ALKBH3: variants seen among roughly 807,000 people sequenced by gnomAD.
ALKBH3 encodes the protein alpha-ketoglutarate-dependent dioxygenase alkB homolog 3.
ALKBH3 carries 51 observed loss-of-function variants against 43.9 expected under a neutral mutation model. The ratio of observed to expected loss-of-function variants is 1.16; its 90% CI spans 0.93 to 1.47. The LOEUF (loss-of-function observed/expected upper bound fraction) is 1.47, where lower values mean the gene tolerates loss of function less well. Among genes scored for constraint, ALKBH3 ranks in the 40% most tolerant of loss-of-function variants. ALKBH3 has a pLI of 0.00. For missense variants in ALKBH3, 361 were observed against 351.9 expected (o/e 1.03, Z -0.21); for synonymous variants, 102 against 115.2 (o/e 0.89, Z 0.73).
chr11:43,889,026 TC>T (rs760867789), intron 5 of ALKBH3, among the ~76,000 whole-genome samples: 11 of 152,190 alleles, frequency 7.2e-5, no homozygotes, highest in Non-Finnish European at 1.5e-4. Flanking sequence ...TATTAGTTAT[TC>T]TTTTTTTTTT....
intron 9 of ALKBH3, 114 bp from the exon 10 acceptor site, chr11:43,919,804 T>C: frequency 9.9e-7 from 1 of 1,006,636 alleles, no homozygotes; most frequent in East Asian, 2.4e-5. Flanking sequence ...ACTACTCATT[T>C]AAGGGGGATG....
chr11:43,903,061 T>C (rs1212797513), intron 8 of ALKBH3, among the ~76,000 whole-genome samples: 1 of 152,260 alleles, frequency 6.6e-6, no homozygotes, highest in Non-Finnish European at 1.5e-5. Flanking sequence ...TTGTGTGATT[T>C]TGCATATATG....
At chr11:43,893,793 T>C (rs577987212) in intron 7 of ALKBH3, among the ~76,000 whole-genome samples, 17 of 152,328 alleles carry the variant, frequency 1.1e-4, no homozygotes, top group South Asian at 4.1e-4. Context: ...TTTGGCTGGC[T>C]CATAACTTTG....
At chr11:43,892,663 A>G (rs10768993) in intron 7 of ALKBH3, among the ~76,000 whole-genome samples, 41,840 of 152,246 alleles carry the variant, frequency 0.27, 7,012 homozygotes, top group East Asian at 0.58. Context: ...AAGATATTCT[A>G]GTATATAAAT....
intron 1 of ALKBH3, among the ~76,000 whole-genome samples, chr11:43,881,693 A>T (rs1486754831): frequency 6.6e-6 from 1 of 152,240 alleles, no homozygotes; most frequent in Admixed American, 6.5e-5. Flanking sequence ...GCTCTACTGA[A>T]TCAGAAGAGG....
chr11:43,899,790 G>C (rs1951847978), intron 7 of ALKBH3, among the ~76,000 whole-genome samples: 1 of 150,506 alleles, frequency 6.6e-6, no homozygotes, highest in Non-Finnish European at 1.5e-5. Context: ...TATATGTTGT[G>C]CACAAAATCA....
At chr11:43,886,742 G>T (rs936365673) in intron 5 of ALKBH3, 89 bp downstream of exon 5, 2 of 1,249,818 alleles carry the variant, frequency 1.6e-6, no homozygotes, top group African/African-American at 1.5e-5. Flanking sequence ...AGAAAATGTA[G>T]TACATATACA....
chr11:43,883,220 A>G, intron 3 of ALKBH3, 32 bp downstream of exon 3: 1 of 1,553,826 alleles, frequency 6.4e-7, no homozygotes, highest in South Asian at 1.2e-5. Flanking sequence ...CAATAGTGAT[A>G]AAAATTTGCT....
rs1322893640 is a variant in ALKBH3, at chr11:43,892,109, A to G, written c.439A>G (p.Thr147Ala). Residue 147 changes from threonine (T) to alanine (A), a missense_variant, in exon 7 of 10, where the codon ACT becomes GCT. Coordinates refer to ENST00000302708, the MANE Select transcript of ALKBH3 (RefSeq NM_139178.4). Reference sequence around the variant, plus strand: ...ACTTCCTTACACTTATTCAAGAATCACTATGGAACCAAATCCTCACGTATG... The same window carrying G: ...ACTTCCTTACACTTATTCAAGAATCGCTATGGAACCAAATCCTCACGTATG... Reference protein sequence around the residue: ...GELPYTYSRITMEPNPHWHPV... With the variant: ...GELPYTYSRIAMEPNPHWHPV... 3 of 1,612,434 alleles carry G rather than the reference A, an allele frequency of 1.9e-6. No homozygotes were observed. The highest frequency in any genetic ancestry group is 2.2e-5 in the East Asian group (1 of 44,876).
chr11:43,885,646 C>T (rs1457865773), intron 4 of ALKBH3, among the ~76,000 whole-genome samples: 1 of 152,216 alleles, frequency 6.6e-6, no homozygotes, highest in Non-Finnish European at 1.5e-5. Context: ...TCTGCAACAG[C>T]TTTATACATT....
rs942372061 is a variant in ALKBH3 at position 43,919,803 on chromosome 11, T to A, written c.769-115T>A. 4.0e-6 allele frequency: 4 copies of A among 998,050 alleles called. No individual in the cohort carries two copies. In the Admixed American group the frequency reaches 7.5e-5, roughly 19 times the overall value. 61.8% of individuals were successfully genotyped at this position (998,050 alleles called of 1,614,324 possible). ...AGACTTCAAAGAGCTTACTACTCATTTAAGGGGGATGAGATGGAAATATTT... is the reference window on the plus strand; with the variant it reads ...AGACTTCAAAGAGCTTACTACTCATATAAGGGGGATGAGATGGAAATATTT... On this transcript the variant is annotated intron_variant, in intron 9 of 9. Coordinates refer to ENST00000302708, the MANE Select transcript of ALKBH3 (RefSeq NM_139178.4).
chr11:43,899,064 T>G, intron 7 of ALKBH3: 1 of 749,444 alleles, frequency 1.3e-6, no homozygotes, highest in Non-Finnish European at 2.5e-6. Context: ...GGATGCCTCT[T>G]CAGTCACCAC....
chr11:43,905,584 A>G (rs1209085109), intron 8 of ALKBH3, among the ~76,000 whole-genome samples: 2 of 152,132 alleles, frequency 1.3e-5, no homozygotes, highest in Admixed American at 1.3e-4. Flanking sequence ...TTGCTTTTAC[A>G]TTCATTCCGA....
chr11:43,894,184 C>T (rs34142483), intron 7 of ALKBH3, among the ~76,000 whole-genome samples: 1 of 152,092 alleles, frequency 6.6e-6, no homozygotes, highest in Non-Finnish European at 1.5e-5. Flanking sequence ...TCACATGAGC[C>T]CAGTGTATAA....
At chr11:43,903,388 A>G (rs1260241852) in intron 8 of ALKBH3, among the ~76,000 whole-genome samples, 1 of 152,258 alleles carries the variant, frequency 6.6e-6, no homozygotes, top group Non-Finnish European at 1.5e-5. Flanking sequence ...CTCCTGTTGC[A>G]TAAATAGTAG....
intron 8 of ALKBH3, among the ~76,000 whole-genome samples, chr11:43,902,978 A>G (rs1460172046): frequency 1.3e-5 from 2 of 152,208 alleles, no homozygotes; most frequent in Non-Finnish European, 2.9e-5. Flanking sequence ...ATACTTCCAT[A>G]AGAATACAGT....
chr11:43,902,056 C>A (rs1259621678), intron 8 of ALKBH3, among the ~76,000 whole-genome samples: 1 of 152,106 alleles, frequency 6.6e-6, no homozygotes, highest in East Asian at 1.9e-4. Flanking sequence ...GTGATCAATG[C>A]TGTGAAGGAA....
At position 43,882,652 on chromosome 11, in the gene ALKBH3, C is replaced by T; in HGVS notation, c.-1C>T. ...TCGGAGCAGAAGCCTTTTTGGTCAA[C>T]ATGGAGGAAAAAAGACGGCGAGCCC... On this transcript the variant is annotated 5_prime_UTR_variant, in exon 2 of 10. Coordinates refer to ENST00000302708, the MANE Select transcript of ALKBH3 (RefSeq NM_139178.4). 6.2e-7 allele frequency: 1 copy of T among 1,612,464 alleles called. No homozygotes were observed.
chr11:43,906,246 C>T (rs976896631), intron 8 of ALKBH3, among the ~76,000 whole-genome samples: 8 of 152,254 alleles, frequency 5.3e-5, no homozygotes, highest in African/African-American at 1.9e-4. Context: ...ATTGGAGGTC[C>T]TAGTGTTTCC....
Sources: allele counts gnomAD v4.1 joint callset (sites outside exome capture counted in the v4.1 genomes callset), GRCh38; gene constraint gnomAD v4.1.1; transcripts MANE v1.5; gene names NCBI Gene and HGNC (gene_info 2026-07-23, HGNC 2026-07-21).